The following ANKRD36C variants were observed in gnomAD, a reference collection of about 807,000 sequenced individuals.
ANKRD36C encodes ankyrin repeat domain-containing protein 36C.
A neutral mutation model predicts 276.4 loss-of-function variants in ANKRD36C; 61 were observed. That is an observed-to-expected ratio of 0.22 (90% confidence interval 0.18 to 0.27). The LOEUF is 0.27. ANKRD36C is among the 10% of genes least tolerant of loss of function. The probability of loss-of-function intolerance (pLI) is 1.00; values close to 1 mark genes in which losing one functional copy is unlikely to be tolerated. For synonymous variants in ANKRD36C, 483 were observed against 680.1 expected, an observed-to-expected ratio of 0.71 and a Z score of 4.51; for missense variants, 1,447 against 2,032.3, an observed-to-expected ratio of 0.71 and a Z score of 5.54.
Position 95,884,381 on chromosome 2 carries a change from A to C in ANKRD36C, c.3164-13T>G. 20 of 1,610,794 alleles carry C rather than the reference A, an allele frequency of 1.2e-5. No individual in the cohort carries two copies. The highest frequency in any genetic ancestry group is 1.5e-5 in the Non-Finnish European group (18 of 1,179,046). On this transcript the variant is annotated splice_polypyrimidine_tract_variant and intron_variant, in intron 52 of 66. Transcript: ENST00000456556. The stretch of plus-strand genomic sequence containing the variant: ...CTCTGAGAAGACACTGAAAAGCAAA[A>C]GGGATACATAATCACCCACATGCAC...
intron 6 of ANKRD36C, among the ~76,000 whole-genome samples, chr2:95,975,910 T>A (rs1369246548): frequency 6.6e-6 from 1 of 151,868 alleles, no homozygotes; most frequent in African/African-American, 2.4e-5. Context: ...GAATCTACAA[T>A]GAACTCAAAC....
At chr2:95,891,313 A>G (rs948302032) in intron 46 of ANKRD36C, among the ~76,000 whole-genome samples, 1 of 151,412 alleles carries the variant, frequency 6.6e-6, no homozygotes, top group Non-Finnish European at 1.5e-5. Context: ...TGGCAGTACA[A>G]TCTGAAGTGT....
chr2:95,874,717 G>T (rs1005249691), intron 59 of ANKRD36C, among the ~76,000 whole-genome samples: 1 of 152,144 alleles, frequency 6.6e-6, no homozygotes, highest in Non-Finnish European at 1.5e-5. Context: ...CACAGCAAAA[G>T]AAACTACCAT....
intron 42 of ANKRD36C, chr2:95,908,526 T>G (rs1371698519): frequency 6.5e-7 from 1 of 1,540,696 alleles, no homozygotes; most frequent in African/African-American, 1.4e-5. Flanking sequence ...TCTCCATGCT[T>G]TTTTCCTCTG....
At chr2:95,908,476 G>A in intron 42 of ANKRD36C, 26 bp downstream of exon 48, 1 of 1,495,396 alleles carries the variant, frequency 6.7e-7, no homozygotes, top group African/African-American at 1.4e-5. Context: ...GACTGAACAT[G>A]ACATTAAATC....
At chr2:95,936,935 C>T (rs569394440) in intron 22 of ANKRD36C, among the ~76,000 whole-genome samples, 9 of 152,304 alleles carry the variant, frequency 5.9e-5, no homozygotes, top group African/African-American at 2.2e-4. Flanking sequence ...GACACAGTTT[C>T]ATAGTTTCTA....
chr2:95,917,914 T>G (rs1464734941), exon 36 of ANKRD36C: 4 of 1,607,040 alleles, frequency 2.5e-6, no homozygotes, highest in Non-Finnish European at 3.4e-6. Context: ...AGAATCTTCC[T>G]CGTCAGTTGT....
At chr2:95,903,211 T>G in intron 42 of ANKRD36C, 130 bp from the exon 53 acceptor site, 3 of 1,439,386 alleles carry the variant, frequency 2.1e-6, no homozygotes, top group Non-Finnish European at 2.8e-6. Flanking sequence ...GCTTCTACTT[T>G]GTGTCTGGGG....
At chr2:95,893,821 C>A in intron 44 of ANKRD36C, 97 bp from the exon 63 acceptor site, 4 of 1,582,196 alleles carry the variant, frequency 2.5e-6, no homozygotes, top group Non-Finnish European at 3.4e-6. Context: ...GTCCTCCTGC[C>A]TGTATTAGCG....
chr2:95,921,446 T>C (rs539063112), intron 34 of ANKRD36C, among the ~76,000 whole-genome samples, 161 bp downstream of exon 34: 18 of 151,408 alleles, frequency 1.2e-4, no homozygotes, highest in East Asian at 9.8e-4. Flanking sequence ...AGCATTAGCG[T>C]CACCCAAGAA....
chr2:95,908,355 C>T lies in ANKRD36C; in HGVS notation c.2653+3889G>A, dbSNP rs971621542. 68 of 691,142 alleles carry T rather than the reference C, an allele frequency of 9.8e-5. 1 individual carries two copies. The highest frequency in any genetic ancestry group is 1.2e-4 in the Non-Finnish European group (66 of 562,250). The allele number at this position is 691,142 out of a possible 1,614,324, so 42.8% of individuals were successfully genotyped here. On this transcript the variant is annotated intron_variant, in intron 42 of 66. Transcript: ENST00000456556. ...TGTTCCAGACCAGCAGCATCATCATCACCCAAGAACTTATTTGAAATGAAG... is the reference window on the plus strand; with the variant it reads ...TGTTCCAGACCAGCAGCATCATCATTACCCAAGAACTTATTTGAAATGAAG...
chr2:95,902,746 A>T, intron 42 of ANKRD36C, 140 bp downstream of exon 54: 1 of 1,150,064 alleles, frequency 8.7e-7, no homozygotes, highest in Non-Finnish European at 1.2e-6. Flanking sequence ...CATCACCCAC[A>T]AACTTATTTG....
chr2:95,874,311 G>A (rs1005323296), intron 59 of ANKRD36C, among the ~76,000 whole-genome samples: 22 of 152,110 alleles, frequency 1.4e-4, no homozygotes, highest in African/African-American at 3.6e-4. Flanking sequence ...AAACAGCATG[G>A]TACTGGTACC....
In ANKRD36C at chr2:95,925,370, C is replaced by T. The variant is rs749782348; in HGVS notation, c.2023G>A (p.Gly675Ser). Reference sequence around the variant, plus strand: ...AAATTACCTGTTCCAGATTTCCCACCGCCCGTTATTCTTGTGGCAATATTC... The same window carrying T: ...AAATTACCTGTTCCAGATTTCCCACTGCCCGTTATTCTTGTGGCAATATTC... The change falls in exon 30 of 67, where the codon GGT (glycine) becomes AGT (serine). Residue 675 changes from glycine to serine, a missense_variant. Gly to Ser is a moderately conservative substitution (Grantham distance 56). Around this residue, in one of 13 missense-constraint regions of ANKRD36C, gnomAD observed 565 missense variants for 539.5 expected, o/e 1.05. Transcript: ENST00000456556. 30 of 1,579,980 alleles carry T rather than the reference C, an allele frequency of 1.9e-5. No homozygotes were observed. In the East Asian group the frequency reaches 2.6e-4, roughly 13 times the overall value.
intron 46 of ANKRD36C, 106 bp from the exon 67 acceptor site, chr2:95,890,100 T>C: frequency 1.4e-6 from 2 of 1,425,682 alleles, no homozygotes; most frequent in South Asian, 1.2e-5. Flanking sequence ...CCTGTATTAG[T>C]GTAGGCTTTG....
chr2:95,880,947 C>T (rs1676064146), intron 56 of ANKRD36C, among the ~76,000 whole-genome samples: 1 of 152,142 alleles, frequency 6.6e-6, no homozygotes, highest in Non-Finnish European at 1.5e-5. Context: ...CAAGTCATAA[C>T]CCTAGAAATA....
intron 1 of ANKRD36C, among the ~76,000 whole-genome samples, chr2:95,989,030 A>G (rs1169297764): frequency 6.6e-6 from 1 of 152,166 alleles, no homozygotes; most frequent in African/African-American, 2.4e-5. Flanking sequence ...TTAGCTGGCC[A>G]TGGTGGCACA....
At chr2:95,861,080 C>G (rs1316083008) in intron 60 of ANKRD36C, among the ~76,000 whole-genome samples, 1 of 152,082 alleles carries the variant, frequency 6.6e-6, no homozygotes, top group African/African-American at 2.4e-5. Flanking sequence ...TCAGAAAGGT[C>G]TTGCCTCAGG....
At chr2:95,916,024 G>A (rs1313513268) in exon 38 of ANKRD36C, 7 of 1,570,176 alleles carry the variant, frequency 4.5e-6, no homozygotes, top group East Asian at 2.3e-5. Flanking sequence ...GGTTATATTC[G>A]AAAAAGAATC....
Sources: gnomAD v4.1 joint callset for allele counts (sites outside exome capture counted in the v4.1 genomes callset) on GRCh38, gnomAD v4.1.1 for gene constraint, gnomAD v4.1.1 regional missense constraint, MANE v1.5 for transcripts, NCBI Gene and HGNC (gene_info 2026-07-23, HGNC 2026-07-21) for gene names.